Variants in SAMD3 observed in about 807,000 individuals in gnomAD.
SAMD3 encodes the protein sterile alpha motif domain containing 3.
A neutral mutation model predicts 58.5 loss-of-function variants in SAMD3; 63 were observed. That is an observed-to-expected ratio of 1.08 (90% CI 0.88 to 1.33). SAMD3 has a LOEUF of 1.33. Ranked by LOEUF, SAMD3 falls within the 40% of genes most tolerant of loss-of-function variation. SAMD3 has a pLI of 0.00. For missense variants in SAMD3, 604 were observed against 608.4 expected (o/e 0.99, Z 0.08); for synonymous variants, 220 against 210.3 (o/e 1.05, Z -0.40).
intron 4 of SAMD3, among the ~76,000 whole-genome samples, chr6:130,211,813 G>C (rs1444309439): frequency 6.6e-6 from 1 of 151,396 alleles, no homozygotes; most frequent in Non-Finnish European, 1.5e-5. Flanking sequence ...TTTCTAAATT[G>C]ATTGAGACCT....
At chr6:130,291,059 G>A (rs917562457) in intron 2 of SAMD3, among the ~76,000 whole-genome samples, 6 of 151,820 alleles carry the variant, frequency 4.0e-5, no homozygotes, top group Non-Finnish European at 7.4e-5. Flanking sequence ...CACAAAATAT[G>A]CATGCCATAC....
chr6:130,346,857 G>A (rs566705884), intron 1 of SAMD3, among the ~76,000 whole-genome samples: 104 of 152,232 alleles, frequency 6.8e-4, no homozygotes, highest in African/African-American at 2.4e-3. Flanking sequence ...CACCTCACAC[G>A]GAGGGGTACT....
In SAMD3 at chr6:130,329,300, C is replaced by T. The variant is rs1223156342; in HGVS notation, c.-303-16207G>A. ...AAAAGCCTGGTAAAGTTTAGTATTG[C>T]TAATTAGACCTGCCTCTATTAGCAA... On this transcript the variant is annotated intron_variant, in intron 1 of 13. Coordinates refer to the SAMD3 transcript ENST00000368134. 2.7e-5 allele frequency among the ~76,000 whole-genome samples: 4 copies of T among 148,628 alleles called. No homozygotes were observed. In the South Asian group the frequency reaches 6.3e-4, roughly 23 times the overall value.
chr6:130,323,648 C>G (rs368681745), intron 1 of SAMD3, among the ~76,000 whole-genome samples: 3 of 151,750 alleles, frequency 2.0e-5, no homozygotes, highest in Admixed American at 6.6e-5. Flanking sequence ...ACTTAAAATA[C>G]AAAACTTATC....
chr6:130,231,025 G>T (rs771012773), intron 2 of SAMD3, among the ~76,000 whole-genome samples: 21 of 152,068 alleles, frequency 1.4e-4, no homozygotes, highest in Admixed American at 2.6e-4. Flanking sequence ...AGAAAATAAA[G>T]ATTTCAAAGA....
chr6:130,362,667 A>T lies in SAMD3; in HGVS notation c.-304+2453T>A, dbSNP rs140254483. Reference sequence around the variant, plus strand: ...AGAATCTAATCAGGTTTATTATCTAACAAGGAGGTATCTGATTATCTAATA... The same window carrying T: ...AGAATCTAATCAGGTTTATTATCTATCAAGGAGGTATCTGATTATCTAATA... On this transcript the variant is annotated intron_variant, in intron 1 of 13. Coordinates refer to the SAMD3 transcript ENST00000368134. Among the ~76,000 whole-genome samples the T allele has an allele frequency of 2.5e-3, 381 of 152,288 alleles. 3 individuals carry two copies. Among genetic ancestry groups the T allele is most frequent in the African/African-American group, 8.8e-3 (364 of 41,550 alleles).
chr6:130,179,036 T>C (rs532149960), intron 7 of SAMD3, among the ~76,000 whole-genome samples: 12 of 152,340 alleles, frequency 7.9e-5, no homozygotes, highest in African/African-American at 2.2e-4. Flanking sequence ...AGTACATTTT[T>C]TTTCCATATG....
chr6:130,363,892 T>C (rs1258788028), intron 1 of SAMD3, among the ~76,000 whole-genome samples: 9 of 152,226 alleles, frequency 5.9e-5, no homozygotes, highest in African/African-American at 1.9e-4. Flanking sequence ...AGCCGATGTG[T>C]AGCTGAATTC....
intron 1 of SAMD3, among the ~76,000 whole-genome samples, chr6:130,348,661 C>A (rs1777543256): frequency 6.6e-6 from 1 of 152,134 alleles, no homozygotes; most frequent in African/African-American, 2.4e-5. Flanking sequence ...CAACATTAGA[C>A]AAATCAACGA....
Position 130,348,337 on chromosome 6 carries a change from T to C in SAMD3, c.-304+16783A>G, listed in dbSNP as rs536627983. On this transcript the variant is annotated intron_variant, in intron 1 of 13. Transcript: ENST00000368134. ...TGTGCTGTATTCAGGAAACCCATCT[T>C]ATGTGCAGAGACACACATAGGCTCA... Among the ~76,000 whole-genome samples, 524 of 152,172 alleles carry C rather than the reference T, an allele frequency of 3.4e-3. 6 individuals carry two copies. The highest frequency in any genetic ancestry group is 0.012 in the African/African-American group (499 of 41,504).
intron 2 of SAMD3, among the ~76,000 whole-genome samples, chr6:130,299,823 C>T (rs1009089505): frequency 6.6e-6 from 1 of 152,114 alleles, no homozygotes; most frequent in Admixed American, 6.5e-5. Flanking sequence ...TCAGAGACTA[C>T]TAGGAACATC....
At chr6:130,280,723 C>G (rs1774951801) in intron 2 of SAMD3, among the ~76,000 whole-genome samples, 1 of 152,190 alleles carries the variant, frequency 6.6e-6, no homozygotes, top group Admixed American at 6.5e-5. Flanking sequence ...CAGTCGTAAA[C>G]TCCTTGGGAC....
chr6:130,206,678 A>G (rs574846016), intron 5 of SAMD3, among the ~76,000 whole-genome samples: 2 of 152,334 alleles, frequency 1.3e-5, no homozygotes, highest in South Asian at 4.1e-4. Flanking sequence ...TAAACAGATA[A>G]GTAAAGGGCT....
At chr6:130,286,505 C>T (rs911568534) in intron 2 of SAMD3, among the ~76,000 whole-genome samples, 1 of 152,142 alleles carries the variant, frequency 6.6e-6, no homozygotes, top group Admixed American at 6.5e-5. Flanking sequence ...GTGCTTTTAA[C>T]ATATGATCAT....
At chr6:130,355,599 A>T (rs1008221035) in intron 1 of SAMD3, among the ~76,000 whole-genome samples, 1 of 152,230 alleles carries the variant, frequency 6.6e-6, no homozygotes, top group African/African-American at 2.4e-5. Flanking sequence ...TTGTGGTCAC[A>T]TGATGCTCTT....
At chr6:130,365,435 T>C, upstream of SAMD3, 1 of 984,816 alleles carries the variant, frequency 1.0e-6, no homozygotes, top group South Asian at 4.7e-5. Flanking sequence ...TCCGGCCAGG[T>C]TTGGTTTAGC....
intron 1 of SAMD3, among the ~76,000 whole-genome samples, chr6:130,332,066 C>A (rs758111581): frequency 2.6e-5 from 4 of 152,074 alleles, no homozygotes; most frequent in Non-Finnish European, 5.9e-5. Context: ...GTAGATAAAA[C>A]AAAATACAAT....
intron 2 of SAMD3, among the ~76,000 whole-genome samples, chr6:130,240,493 A>G (rs191844816): frequency 5.9e-4 from 90 of 152,346 alleles, no homozygotes; most frequent in African/African-American, 2.0e-3. Flanking sequence ...TCTTACATCA[A>G]TTTTGAAAAC....
At chr6:130,319,970 T>C (rs564654567) in intron 1 of SAMD3, among the ~76,000 whole-genome samples, 1 of 151,462 alleles carries the variant, frequency 6.6e-6, no homozygotes, top group African/African-American at 2.4e-5. Flanking sequence ...CCAAAATGAA[T>C]TGCAAAGAGA....
Sources: allele counts gnomAD v4.1 joint callset (sites outside exome capture counted in the v4.1 genomes callset), GRCh38; gene constraint gnomAD v4.1.1; transcripts MANE v1.5; gene names NCBI Gene and HGNC (gene_info 2026-07-23, HGNC 2026-07-21).